Variants in PITPNB observed in about 807,000 individuals in gnomAD.
PITPNB encodes phosphatidylinositol transfer protein beta, also known as phosphatidylinositol transfer protein beta isoform.
Under a neutral mutation model 45.9 loss-of-function variants are expected in PITPNB, and 16 were observed. The ratio of observed to expected loss-of-function variants is 0.35; its 90% CI spans 0.24 to 0.53. The LOEUF is 0.53. Among genes scored for constraint, PITPNB ranks in the 20% least tolerant of loss-of-function variants. The pLI is 0.93. For synonymous variants in PITPNB, 112 were observed against 108.9 expected, an observed-to-expected ratio of 1.03 and a Z score of -0.18; for missense variants, 188 against 330.5, an observed-to-expected ratio of 0.57 and a Z score of 3.34.
chr22:27,912,983 C>CAAAAA (rs35050003), intron 2 of PITPNB, among the ~76,000 whole-genome samples: 2 of 33,634 alleles, frequency 5.9e-5, no homozygotes, highest in South Asian at 1.0e-3. Flanking sequence ...ACTCCATCTC[C>CAAAAA]AAAAAAAAAA....
At chr22:27,908,314 C>T (rs1180660115) in intron 3 of PITPNB, among the ~76,000 whole-genome samples, 1 of 143,334 alleles carries the variant, frequency 7.0e-6, no homozygotes, top group Non-Finnish European at 1.5e-5. Flanking sequence ...TTCTCAACAT[C>T]TTAATGTACC....
chr22:27,869,165 T>C (rs565058137), intron 8 of PITPNB, among the ~76,000 whole-genome samples: 40 of 152,250 alleles, frequency 2.6e-4, no homozygotes, highest in African/African-American at 9.6e-4. Flanking sequence ...AATTCTGCCT[T>C]GAAGCAAAAA....
At chr22:27,856,280 T>C (rs1934169617) in intron 10 of PITPNB, among the ~76,000 whole-genome samples, 2 of 152,178 alleles carry the variant, frequency 1.3e-5, no homozygotes, top group Non-Finnish European at 2.9e-5. Flanking sequence ...ACTAAGGAAT[T>C]GGGCTTTTAC....
chr22:27,859,588 AAAG>A (rs1310273939), intron 9 of PITPNB, among the ~76,000 whole-genome samples: 17 of 152,254 alleles, frequency 1.1e-4, no homozygotes, highest in African/African-American at 3.9e-4. Flanking sequence ...TCACTTTAAT[AAAG>A]AAGACATAAA....
intron 7 of PITPNB, among the ~76,000 whole-genome samples, chr22:27,878,407 G>T (rs1379709635): frequency 6.6e-6 from 1 of 152,114 alleles, no homozygotes; most frequent in East Asian, 1.9e-4. Context: ...TTTTGCAAAA[G>T]CAAATAACAG....
intron 7 of PITPNB, chr22:27,894,266 T>G (rs1935372369): frequency 4.1e-6 from 1 of 242,394 alleles, no homozygotes; most frequent in Non-Finnish European, 7.9e-6. Context: ...ATGTGTTTTT[T>G]GTTTTTCAAT....
chr22:27,853,570 T>C lies in PITPNB; in HGVS notation c.*132A>G. On this transcript the variant is annotated 3_prime_UTR_variant, in exon 12 of 12. Transcript: ENST00000335272. ...GTGTGTGTATCATCACAAGCACACATCTGGGAAACGTCAACACTGCAAGAT... is the reference window on the plus strand; with the variant it reads ...GTGTGTGTATCATCACAAGCACACACCTGGGAAACGTCAACACTGCAAGAT... 2 of 1,488,184 alleles carry C rather than the reference T, an allele frequency of 1.3e-6. No individual in the cohort carries two copies. Among genetic ancestry groups the C allele is most frequent in the Non-Finnish European group, 9.2e-7 (1 of 1,089,846 alleles). 92.2% of individuals were successfully genotyped at this position (1,488,184 alleles called of 1,614,324 possible).
chr22:27,900,238 A>T (rs2146408441), intron 3 of PITPNB, among the ~76,000 whole-genome samples: 1 of 152,108 alleles, frequency 6.6e-6, no homozygotes, highest in South Asian at 2.1e-4. Context: ...AAGAAAAAAC[A>T]AAAAGGCAGG....
chr22:27,913,015 G>A (rs967852468), intron 2 of PITPNB, among the ~76,000 whole-genome samples: 1 of 150,134 alleles, frequency 6.7e-6, no homozygotes, highest in Non-Finnish European at 1.5e-5. Context: ...GTGGGGGGGG[G>A]AGTATAACAA....
At chr22:27,899,785 G>T (rs923472331) in intron 3 of PITPNB, among the ~76,000 whole-genome samples, 5 of 152,176 alleles carry the variant, frequency 3.3e-5, no homozygotes, top group Non-Finnish European at 7.3e-5. Context: ...TTAAGTGTGG[G>T]TGAGGTCTAA....
At position 27,906,983 on chromosome 22, in the gene PITPNB, C is replaced by G. The variant is rs73880351; in HGVS notation, c.197+3981G>C. Among the ~76,000 whole-genome samples the G allele has an allele frequency of 7.9e-3, 1,197 of 152,242 alleles. 20 individuals are homozygous for G. The highest frequency in any genetic ancestry group is 0.028 in the African/African-American group (1,146 of 41,512). On this transcript the variant is annotated intron_variant, in intron 3 of 11. Transcript: ENST00000335272. ...GCATACAGGTCAGGGAATCCAGAGA[C>G]TTGAGTTATACTGGCTAAAGTAGAT...
rs5752653 is a variant in PITPNB at position 27,880,925 on chromosome 22, A to C, written c.457-7110T>G. ...CGTGAGCCACTGCACCCAGTTAATAAAATTTTAAAATCCTTGCTAATGTTT... is the reference window on the plus strand; with the variant it reads ...CGTGAGCCACTGCACCCAGTTAATACAATTTTAAAATCCTTGCTAATGTTT... On this transcript the variant is annotated intron_variant, in intron 7 of 11. Transcript: ENST00000335272. 2.0e-5 allele frequency among the ~76,000 whole-genome samples: 3 copies of C among 152,272 alleles called. No individual in the cohort carries two copies. In the East Asian group the frequency reaches 5.8e-4, roughly 29 times the overall value.
chr22:27,855,204 C>A (rs1431274343), intron 10 of PITPNB, among the ~76,000 whole-genome samples: 7 of 152,164 alleles, frequency 4.6e-5, no homozygotes, highest in Non-Finnish European at 5.9e-5. Context: ...CAAAAACAGC[C>A]AATGGGTAAA....
chr22:27,915,043 A>G (rs556556223), intron 1 of PITPNB, among the ~76,000 whole-genome samples: 1 of 152,342 alleles, frequency 6.6e-6, no homozygotes, highest in African/African-American at 2.4e-5. Context: ...GATAAAATCC[A>G]AAACAGTATC....
intron 7 of PITPNB, among the ~76,000 whole-genome samples, chr22:27,884,195 C>T (rs770630971): frequency 3.3e-5 from 5 of 151,990 alleles, no homozygotes; most frequent in Non-Finnish European, 7.4e-5. Flanking sequence ...ACTCGAAGCC[C>T]GTAATTGTGT....
chr22:27,891,232 GATT>G (rs1935269373), intron 7 of PITPNB, among the ~76,000 whole-genome samples: 1 of 152,154 alleles, frequency 6.6e-6, no homozygotes, highest in African/African-American at 2.4e-5. Flanking sequence ...GTAAAATTTA[GATT>G]ATGTGTATTT....
intron 3 of PITPNB, among the ~76,000 whole-genome samples, chr22:27,901,515 T>C (rs1398198076): frequency 6.6e-6 from 1 of 152,150 alleles, no homozygotes; most frequent in Non-Finnish European, 1.5e-5. Flanking sequence ...TACAATCAAC[T>C]GAAATATCCC....
rs1935904540 is a variant in PITPNB, at chr22:27,910,999, C to T, written c.162G>A (p.Lys54=). 2 of 1,612,896 alleles carry T rather than the reference C, an allele frequency of 1.2e-6. No individual in the cohort carries two copies. The highest frequency in any genetic ancestry group is 4.5e-5 in the East Asian group (2 of 44,862). ...GATAAATTTTGTGCGTATACTGTCC[C>T]TTTTCTCCATCCTTCTCATAAGGTT... ...KNEPYEKDGE[K]GQYTHKIYHL... Residue 54 remains lysine, a synonymous_variant, in exon 3 of 12, where the codon AAG becomes AAA. Transcript: ENST00000335272.
At chr22:27,856,158 A>G (rs1214435263) in intron 10 of PITPNB, among the ~76,000 whole-genome samples, 2 of 152,250 alleles carry the variant, frequency 1.3e-5, no homozygotes, top group Non-Finnish European at 2.9e-5. Flanking sequence ...TGTTTTTGAG[A>G]TATTTGACAA....
Sources: allele counts gnomAD v4.1 joint callset (sites outside exome capture counted in the v4.1 genomes callset), GRCh38; gene constraint gnomAD v4.1.1; transcripts MANE v1.5; gene names NCBI Gene and HGNC (gene_info 2026-07-23, HGNC 2026-07-21).